CLEC16A: variants seen among roughly 807,000 people sequenced by gnomAD.
CLEC16A encodes the protein protein CLEC16A.
In CLEC16A, 51 loss-of-function variants were observed where a neutral mutation model predicts 109.5. That is an observed-to-expected ratio of 0.47 (90% CI 0.37 to 0.59). CLEC16A has a LOEUF of 0.59. Among genes scored for constraint, CLEC16A ranks in the 20% least tolerant of loss-of-function variants. The probability of loss-of-function intolerance (pLI) is 0.00; values close to 1 mark genes in which losing one functional copy is unlikely to be tolerated. For missense variants in CLEC16A, 1,339 were observed against 1,394.0 expected, an observed-to-expected ratio of 0.96 and a Z score of 0.63; for synonymous variants, 673 against 564.2, an observed-to-expected ratio of 1.19 and a Z score of -2.73.
chr16:11,125,311 T>C (rs1385904896), intron 21 of CLEC16A, among the ~76,000 whole-genome samples: 3 of 152,156 alleles, frequency 2.0e-5, no homozygotes, highest in Non-Finnish European at 4.4e-5. Context: ...TTTTTTTTTT[T>C]CTTCATGTAA....
intron 19 of CLEC16A, among the ~76,000 whole-genome samples, chr16:11,116,293 G>A (rs182160345): frequency 3.3e-5 from 5 of 152,232 alleles, no homozygotes; most frequent in African/African-American, 7.2e-5. Context: ...TATTAGGGAG[G>A]CTGAGGCAGG....
At chr16:11,142,268 G>A (rs987822726) in intron 22 of CLEC16A, among the ~76,000 whole-genome samples, 3 of 152,212 alleles carry the variant, frequency 2.0e-5, no homozygotes, top group Admixed American at 6.5e-5. Flanking sequence ...CTCAGGGCCC[G>A]GGAACCTGAC....
intron 19 of CLEC16A, among the ~76,000 whole-genome samples, chr16:11,068,598 C>A (rs972142375): frequency 6.6e-6 from 1 of 152,212 alleles, no homozygotes; most frequent in South Asian, 2.1e-4. Context: ...TGTCTCCCTG[C>A]AGGCTTCCAG....
At chr16:10,947,553 C>T (rs1449489603) in intron 1 of CLEC16A, among the ~76,000 whole-genome samples, 1 of 152,198 alleles carries the variant, frequency 6.6e-6, no homozygotes, top group Non-Finnish European at 1.5e-5. Context: ...GACCAGGACC[C>T]TGCGGGTTTT....
chr16:10,970,661 C>T (rs1047159206), intron 4 of CLEC16A, among the ~76,000 whole-genome samples: 1 of 152,248 alleles, frequency 6.6e-6, no homozygotes, highest in Non-Finnish European at 1.5e-5. Flanking sequence ...TCCTTGGCCT[C>T]CCAAAGTGCT....
At chr16:11,035,782 T>G (rs1486703276) in intron 13 of CLEC16A, among the ~76,000 whole-genome samples, 2 of 152,246 alleles carry the variant, frequency 1.3e-5, no homozygotes, top group Admixed American at 1.3e-4. Context: ...CACTCTGTCC[T>G]TCCCCAGAGA....
At chr16:11,157,143 ACT>A (rs777213614) in intron 22 of CLEC16A, 673 of 1,276,850 alleles carry the variant, frequency 5.3e-4, no homozygotes, top group Non-Finnish European at 6.0e-4. Context: ...AGGCTAAAAG[ACT>A]CTGCAAGTTC....
intron 22 of CLEC16A, among the ~76,000 whole-genome samples, chr16:11,161,808 A>C (rs2054730378): frequency 6.6e-6 from 1 of 152,170 alleles, no homozygotes; most frequent in Non-Finnish European, 1.5e-5. Flanking sequence ...TGTGTGTAAA[A>C]GCTCCCAACG....
intron 22 of CLEC16A, chr16:11,156,726 T>TG (rs1952012097): frequency 1.6e-6 from 2 of 1,218,046 alleles, no homozygotes; most frequent in Non-Finnish European, 2.2e-6. Context: ...AGGCAGGGAC[T>TG]GGGTCCTTGG....
rs201452716 is a variant in CLEC16A, at chr16:10,979,321, T to G, written c.904-8T>G. 191 of 1,611,162 alleles carry G rather than the reference T, an allele frequency of 1.2e-4. No homozygotes were observed. The highest frequency in any genetic ancestry group is 1.6e-4 in the Non-Finnish European group (185 of 1,178,720). On this transcript the variant is annotated splice_polypyrimidine_tract_variant and splice_region_variant and intron_variant, in intron 8 of 23. Transcript: ENST00000409790. ...TCTCTCTCTCTCTCTCCTGCCACCC[T>G]GCACTAGGGAGGAGAACGGCCGAAA... is the stretch of plus-strand genomic sequence containing the variant.
intron 10 of CLEC16A, among the ~76,000 whole-genome samples, chr16:11,000,161 G>A (rs988139909): frequency 7.6e-4 from 116 of 152,096 alleles, no homozygotes; most frequent in African/African-American, 2.8e-3. Flanking sequence ...TATATCCATG[G>A]GTTCCTTTGG....
intron 19 of CLEC16A, among the ~76,000 whole-genome samples, chr16:11,089,499 A>G (rs948574277): frequency 6.6e-6 from 1 of 152,166 alleles, no homozygotes; most frequent in Non-Finnish European, 1.5e-5. Context: ...TAGCTGTGAA[A>G]TTGCTCAAAT....
In CLEC16A at chr16:11,181,010, G is replaced by A. The variant is rs1273303528; in HGVS notation, c.*2320G>A. ...TGTGGGCTTGCAGGGTCACTCTCAGGGGCCTCTTTCAGCTGGGGCTGGCAA... is the reference window on the plus strand; with the variant it reads ...TGTGGGCTTGCAGGGTCACTCTCAGAGGCCTCTTTCAGCTGGGGCTGGCAA... On this transcript the variant is annotated 3_prime_UTR_variant, in exon 24 of 24. Transcript: ENST00000409790. The A allele has an allele frequency of 1.3e-5, 2 of 152,448 alleles. No homozygotes were observed. Among genetic ancestry groups the A allele is most frequent in the African/African-American group, 2.4e-5 (1 of 41,454 alleles). The allele number at this position is 152,448 out of a possible 1,614,324, so 9.4% of individuals were successfully genotyped here.
chr16:11,136,769 G>A (rs2053585320), intron 22 of CLEC16A, among the ~76,000 whole-genome samples: 1 of 152,208 alleles, frequency 6.6e-6, no homozygotes. Context: ...GGCTGGAGAA[G>A]AGCACAAATT....
chr16:11,136,877 A>G (rs186052812), intron 22 of CLEC16A, among the ~76,000 whole-genome samples: 57 of 152,302 alleles, frequency 3.7e-4, no homozygotes, highest in Admixed American at 2.0e-3. Context: ...GAGCCTCACA[A>G]CAGCTCTGGG....
At chr16:11,103,332 C>T (rs1164857672) in intron 19 of CLEC16A, among the ~76,000 whole-genome samples, 2 of 152,162 alleles carry the variant, frequency 1.3e-5, no homozygotes, top group South Asian at 2.1e-4. Context: ...GTAATCCCAG[C>T]ACTTTGGGAG....
At chr16:10,953,971 C>T (rs888618415) in intron 1 of CLEC16A, among the ~76,000 whole-genome samples, 49 of 70,780 alleles carry the variant, frequency 6.9e-4, no homozygotes, top group African/African-American at 1.8e-3. Context: ...AGCAAGACTC[C>T]GTCTCAAAAA....
intron 3 of CLEC16A, among the ~76,000 whole-genome samples, 174 bp from the exon 4 acceptor site, chr16:10,968,987 A>G (rs1207987051): frequency 1.3e-5 from 2 of 152,114 alleles, no homozygotes; most frequent in Non-Finnish European, 2.9e-5. Flanking sequence ...GTGACTGTAC[A>G]TTGAAGATGA....
At chr16:11,077,811 A>C (rs1173504414) in intron 19 of CLEC16A, among the ~76,000 whole-genome samples, 2 of 152,080 alleles carry the variant, frequency 1.3e-5, no homozygotes, top group Non-Finnish European at 2.9e-5. Flanking sequence ...TCATACTTCT[A>C]AACTTTTAAG....
Sources: allele counts gnomAD v4.1 joint callset (sites outside exome capture counted in the v4.1 genomes callset), GRCh38; gene constraint gnomAD v4.1.1; transcripts MANE v1.5; gene names NCBI Gene and HGNC (gene_info 2026-07-23, HGNC 2026-07-21).